The following UQCRC2 variants were observed in gnomAD, a reference collection of about 807,000 sequenced individuals.
UQCRC2 encodes cytochrome b-c1 complex subunit 2, mitochondrial.
A neutral mutation model predicts 55.6 loss-of-function variants in UQCRC2; 49 were observed. That is an observed-to-expected ratio of 0.88 (90% CI 0.70 to 1.12). The LOEUF (loss-of-function observed/expected upper bound fraction) is 1.12, where lower values mean the gene tolerates loss of function less well. Ranked by LOEUF, UQCRC2 falls within the 50% of genes most tolerant of loss-of-function variation. The pLI is 0.00. For synonymous variants in UQCRC2, 193 were observed against 192.0 expected (o/e 1.01, Z -0.04); for missense variants, 506 against 547.8 (o/e 0.92, Z 0.76).
intron 4 of UQCRC2, among the ~76,000 whole-genome samples, chr16:21,961,020 G>T (rs1379482595): frequency 6.6e-6 from 1 of 152,036 alleles, no homozygotes; most frequent in Non-Finnish European, 1.5e-5. Context: ...TGTACAAATG[G>T]AGGTCTCACT....
intron 3 of UQCRC2, 62 bp downstream of exon 3, chr16:21,957,628 GA>G: frequency 1.3e-6 from 2 of 1,538,498 alleles, no homozygotes; most frequent in Non-Finnish European, 1.7e-6. Flanking sequence ...CTGTGAAAAA[GA>G]AAAACTAAGA....
Position 21,983,342 on chromosome 16 carries a change from G to T in UQCRC2, c.*171G>T. ...TGACCTAAAGTCAATAAAACATTCT[G>T]TTTAAGTGTTTTTCTTACGTTTTTC... is the stretch of plus-strand genomic sequence containing the variant. On this transcript the variant is annotated 3_prime_UTR_variant, in exon 14 of 14. Transcript: ENST00000268379. 1.8e-6 allele frequency: 1 copy of T among 553,128 alleles called. No homozygotes were observed. The highest frequency in any genetic ancestry group is 1.9e-5 in the African/African-American group (1 of 51,470). 34.3% of individuals were successfully genotyped at this position (553,128 alleles called of 1,614,324 possible). A position where few individuals can be genotyped will look rare whatever the true frequency, so the allele number is the denominator to read the frequency against.
chr16:21,978,736 A>C (rs1002960763), intron 12 of UQCRC2, among the ~76,000 whole-genome samples: 7 of 152,358 alleles, frequency 4.6e-5, no homozygotes, highest in African/African-American at 7.2e-5. Flanking sequence ...CTGAAGAAAT[A>C]GAATGGAGGC....
chr16:21,976,314 A>G, intron 12 of UQCRC2, 71 bp downstream of exon 12: 4 of 1,311,146 alleles, frequency 3.1e-6, no homozygotes, highest in South Asian at 1.2e-5. Context: ...GATTATAACA[A>G]TATTACAATC....
At chr16:21,974,304 T>C (rs1309402805) in intron 11 of UQCRC2, among the ~76,000 whole-genome samples, 1 of 152,144 alleles carries the variant, frequency 6.6e-6, no homozygotes, top group Non-Finnish European at 1.5e-5. Flanking sequence ...AGTGTAGAGA[T>C]TGTGTTGAAA....
chr16:21,962,747 G>A lies in UQCRC2; in HGVS notation c.390-14G>A, dbSNP rs180809973. Reference sequence around the variant, plus strand: ...ATTTTTGACTCATAATTCTTATCTCGATGTCTTCTGTAGTGATATTCTAAT... The same window carrying A: ...ATTTTTGACTCATAATTCTTATCTCAATGTCTTCTGTAGTGATATTCTAAT... On this transcript the variant is annotated splice_polypyrimidine_tract_variant and intron_variant, in intron 5 of 13. Transcript: ENST00000268379. The A allele has an allele frequency of 2.7e-5, 44 of 1,613,732 alleles. No homozygotes were observed. Among genetic ancestry groups the A allele is most frequent in the South Asian group, 1.5e-4 (14 of 91,058 alleles).
chr16:21,967,872 A>G (rs2141937320), intron 7 of UQCRC2, among the ~76,000 whole-genome samples: 1 of 152,310 alleles, frequency 6.6e-6, no homozygotes, highest in African/African-American at 2.4e-5. Flanking sequence ...TAGAATGTTA[A>G]TAGTGCTTCA....
At chr16:21,968,018 T>TTTG (rs1898370027) in intron 7 of UQCRC2, among the ~76,000 whole-genome samples, 1 of 150,872 alleles carries the variant, frequency 6.6e-6, no homozygotes, top group Non-Finnish European at 1.5e-5. Flanking sequence ...TTTTTTTTTT[T>TTTG]TGAGACAGAG....
intron 8 of UQCRC2, among the ~76,000 whole-genome samples, chr16:21,970,996 T>C (rs1898446210): frequency 6.6e-6 from 1 of 152,208 alleles, no homozygotes; most frequent in South Asian, 2.1e-4. Flanking sequence ...TGTTAGCAGA[T>C]ATATTATCTG....
chr16:21,957,441 G>T lies in UQCRC2; in HGVS notation c.142G>T (p.Val48Leu). Residue 48 changes from valine to leucine, a missense_variant, in exon 3 of 14, where the codon GTG becomes TTG. Transcript: ENST00000268379. ...LEFTKLPNGL[V>L]IASLENYSPV... ...GTTTACCAAGTTACCAAATGGCTTG[G>T]TGATTGCTTCTTTGGAAAACTATTC... 6.2e-7 allele frequency: 1 copy of T among 1,614,064 alleles called. No individual in the cohort carries two copies. Among genetic ancestry groups the T allele is most frequent in the Non-Finnish European group, 8.5e-7 (1 of 1,180,014 alleles).
At chr16:21,967,872 A>AT (rs1898364851) in intron 7 of UQCRC2, among the ~76,000 whole-genome samples, 1 of 152,192 alleles carries the variant, frequency 6.6e-6, no homozygotes, top group African/African-American at 2.4e-5. Flanking sequence ...TAGAATGTTA[A>AT]TAGTGCTTCA....
intron 11 of UQCRC2, among the ~76,000 whole-genome samples, chr16:21,974,427 A>G (rs547648691): frequency 2.0e-5 from 3 of 152,340 alleles, no homozygotes; most frequent in South Asian, 4.1e-4. Flanking sequence ...AAACAGAAAG[A>G]AAAAGAGAAG....
chr16:21,966,608 C>T (rs1232277092), intron 7 of UQCRC2, among the ~76,000 whole-genome samples: 3 of 152,180 alleles, frequency 2.0e-5, no homozygotes, highest in Non-Finnish European at 2.9e-5. Flanking sequence ...GTATCCCTTG[C>T]TCTTTTTGAC....
chr16:21,981,206 C>T (rs773377971), intron 13 of UQCRC2, among the ~76,000 whole-genome samples: 16 of 152,110 alleles, frequency 1.1e-4, no homozygotes, highest in Non-Finnish European at 1.6e-4. Context: ...TTCTCTTGTT[C>T]TTGCTAATTT....
intron 9 of UQCRC2, 31 bp from the exon 10 acceptor site, chr16:21,971,889 TTTC>T (rs1467771246): frequency 1.2e-6 from 2 of 1,611,040 alleles, no homozygotes; most frequent in East Asian, 2.2e-5. Flanking sequence ...AACAAGCCAT[TTTC>T]TTCTTCCCTC....
At chr16:21,958,430 G>T (rs973155407) in intron 3 of UQCRC2, 105 bp from the exon 4 acceptor site, 3 of 999,616 alleles carry the variant, frequency 3.0e-6, no homozygotes, top group African/African-American at 3.3e-5. Context: ...CAGGAATTTA[G>T]TAAAATTCTT....
intron 13 of UQCRC2, 109 bp downstream of exon 13, chr16:21,980,809 G>A: frequency 7.8e-7 from 1 of 1,289,966 alleles, no homozygotes; most frequent in South Asian, 1.5e-5. Context: ...CTTATGTTTG[G>A]TGCTCATCTA....
In UQCRC2 at chr16:21,965,441, G is replaced by A. The variant is rs4850; in HGVS notation, c.548G>A (p.Arg183Gln). 75,752 of 1,613,620 alleles carry A rather than the reference G, an allele frequency of 0.047. 2,191 individuals carry two copies. Among genetic ancestry groups the A allele is most frequent in the Non-Finnish European group, 0.055 (65,334 of 1,179,706 alleles). The change falls in exon 7 of 14, where the codon CGG (arginine) becomes CAG (glutamine). Residue 183 changes from arginine to glutamine, a missense_variant. Transcript: ENST00000268379. ...GAAAATTTGCATGCAGCAGCTTACC[G>A]GAATGCCTTGGCTAATCCCTTGTAT... ...VIENLHAAAY[R>Q]NALANPLYCP... is the part of the protein sequence containing the mutation.
At chr16:21,965,365 C>G in intron 6 of UQCRC2, 43 bp from the exon 7 acceptor site, 1 of 1,581,786 alleles carries the variant, frequency 6.3e-7, no homozygotes. Context: ...GTTGTCTTTA[C>G]TGAAAGTGCA....
Sources: gnomAD v4.1 joint callset for allele counts (sites outside exome capture counted in the v4.1 genomes callset) on GRCh38, gnomAD v4.1.1 for gene constraint, MANE v1.5 for transcripts, NCBI Gene and HGNC (gene_info 2026-07-23, HGNC 2026-07-21) for gene names.